The following KCNIP4 variants were observed in gnomAD, a reference collection of about 807,000 sequenced individuals.
The protein encoded by KCNIP4 is Kv channel-interacting protein 4.
A neutral mutation model predicts 34.0 loss-of-function variants in KCNIP4; 12 were observed. That is an observed-to-expected ratio of 0.35 (90% CI 0.23 to 0.57). KCNIP4 has a LOEUF of 0.57. Ranked by LOEUF, KCNIP4 falls within the 20% of genes least tolerant of loss-of-function variation. KCNIP4 has a pLI of 0.83. For synonymous variants in KCNIP4, 124 were observed against 102.2 expected (o/e 1.21, Z -1.29); for missense variants, 238 against 311.7 (o/e 0.76, Z 1.78).
chr4:20,925,401 C>G (rs1729803420), intron 1 of KCNIP4, among the ~76,000 whole-genome samples: 1 of 152,122 alleles, frequency 6.6e-6, no homozygotes, highest in African/African-American at 2.4e-5. Flanking sequence ...AGTAAAGAAG[C>G]CAGCTAAAAC....
intron 1 of KCNIP4, among the ~76,000 whole-genome samples, chr4:21,105,457 A>AC (rs1397568588): frequency 6.6e-6 from 1 of 151,624 alleles, no homozygotes; most frequent in Non-Finnish European, 1.5e-5. Flanking sequence ...GTATCCTGAG[A>AC]TTTGCTGAAG....
At chr4:21,765,902 A>G (rs1718387209) in intron 1 of KCNIP4, among the ~76,000 whole-genome samples, 1 of 151,596 alleles carries the variant, frequency 6.6e-6, no homozygotes, top group Admixed American at 6.6e-5. Flanking sequence ...CCCAGAGCCC[A>G]AGAGCAAAGA....
intron 1 of KCNIP4, among the ~76,000 whole-genome samples, chr4:21,778,959 T>C (rs566207983): frequency 2.0e-5 from 3 of 152,014 alleles, no homozygotes; most frequent in Non-Finnish European, 4.4e-5. Flanking sequence ...AGAGTTACTG[T>C]GAGCTTTTAA....
intron 1 of KCNIP4, among the ~76,000 whole-genome samples, chr4:21,514,181 C>A (rs972041544): frequency 1.3e-5 from 2 of 152,274 alleles, no homozygotes; most frequent in East Asian, 3.9e-4. Context: ...GGAGACAATG[C>A]GGTTTCCCTG....
chr4:21,247,882 AC>A (rs1760395154), intron 1 of KCNIP4, among the ~76,000 whole-genome samples: 1 of 137,172 alleles, frequency 7.3e-6, no homozygotes, highest in African/African-American at 2.8e-5. Flanking sequence ...ACACACACAC[AC>A]CACAGGTAGA....
At chr4:21,101,570 G>T (rs1226788440) in intron 1 of KCNIP4, among the ~76,000 whole-genome samples, 1 of 152,120 alleles carries the variant, frequency 6.6e-6, no homozygotes, top group East Asian at 1.9e-4. Context: ...GAGACAGAAA[G>T]CAGATGAGTG....
At chr4:20,917,788 A>G (rs987030847) in intron 1 of KCNIP4, among the ~76,000 whole-genome samples, 27 of 152,102 alleles carry the variant, frequency 1.8e-4, no homozygotes, top group African/African-American at 6.5e-4. Flanking sequence ...CAGGAGGCAG[A>G]GATAAAGTGT....
intron 1 of KCNIP4, among the ~76,000 whole-genome samples, chr4:21,288,496 G>A (rs932952666): frequency 6.6e-6 from 1 of 152,294 alleles, no homozygotes; most frequent in South Asian, 2.1e-4. Flanking sequence ...AAGAACAAAT[G>A]CTTACATAGT....
In KCNIP4 at chr4:21,492,951, C is replaced by T. The variant is rs1460493; in HGVS notation, c.61+455620G>A. On this transcript the variant is annotated intron_variant, in intron 1 of 8. Coordinates refer to ENST00000382152, the MANE Select transcript of KCNIP4 (RefSeq NM_025221.6). ...CACTCTTTACTCTTCTCTCCTTTTG[C>T]TTCTTTATCCCACTTGCTCTGCTGC... Among the ~76,000 whole-genome samples the T allele has an allele frequency of 6.4e-3, 982 of 152,306 alleles. 14 individuals carry two copies. Among genetic ancestry groups the T allele is most frequent in the African/African-American group, 0.022 (927 of 41,564 alleles).
At chr4:20,948,588 C>T (rs1732442720) in intron 1 of KCNIP4, among the ~76,000 whole-genome samples, 2 of 152,232 alleles carry the variant, frequency 1.3e-5, no homozygotes, top group Admixed American at 1.3e-4. Flanking sequence ...AGGCTTTCTG[C>T]CTGGTGCAGC....
intron 1 of KCNIP4, among the ~76,000 whole-genome samples, chr4:21,209,045 A>G (rs1306662574): frequency 6.6e-6 from 1 of 152,152 alleles, no homozygotes; most frequent in African/African-American, 2.4e-5. Flanking sequence ...GATTATAAGG[A>G]TTATGGAGAT....
At chr4:21,868,585 T>C (rs1380916403) in intron 1 of KCNIP4, among the ~76,000 whole-genome samples, 1 of 152,192 alleles carries the variant, frequency 6.6e-6, no homozygotes, top group Non-Finnish European at 1.5e-5. Flanking sequence ...ACTAAGGTAC[T>C]TGAAAGAGTG....
chr4:20,868,039 A>T (rs1723049949), intron 2 of KCNIP4, among the ~76,000 whole-genome samples: 1 of 152,044 alleles, frequency 6.6e-6, no homozygotes, highest in Non-Finnish European at 1.5e-5. Context: ...AAAAGAAGCT[A>T]TCAACAAAGC....
intron 1 of KCNIP4, among the ~76,000 whole-genome samples, chr4:21,089,524 G>A (rs78449721): frequency 0.024 from 3,729 of 152,212 alleles, 137 homozygotes; most frequent in African/African-American, 0.083. Context: ...CAATGGTAAC[G>A]TGTCATTATT....
At chr4:21,617,853 G>A (rs1177408764) in intron 1 of KCNIP4, among the ~76,000 whole-genome samples, 2 of 152,134 alleles carry the variant, frequency 1.3e-5, no homozygotes, top group Non-Finnish European at 2.9e-5. Flanking sequence ...TTTAAACTCT[G>A]TCTTTGAAAT....
intron 1 of KCNIP4, among the ~76,000 whole-genome samples, chr4:20,921,080 G>T (rs1254796219): frequency 6.6e-6 from 1 of 152,164 alleles, no homozygotes; most frequent in Non-Finnish European, 1.5e-5. Flanking sequence ...GAATACTAGA[G>T]AAGGGGTTGT....
intron 1 of KCNIP4, among the ~76,000 whole-genome samples, chr4:21,070,400 A>T (rs1275075869): frequency 6.7e-5 from 6 of 89,188 alleles, no homozygotes; most frequent in African/African-American, 1.2e-4. Context: ...TTTTTTTTTT[A>T]AAGTGTCCAA....
chr4:20,964,069 T>A (rs1734112450), intron 1 of KCNIP4, among the ~76,000 whole-genome samples: 1 of 152,168 alleles, frequency 6.6e-6, no homozygotes, highest in Non-Finnish European at 1.5e-5. Flanking sequence ...ACAAAAGAAT[T>A]GCCATTTATG....
chr4:20,931,041 T>C lies in KCNIP4; in HGVS notation c.62-48332A>G, dbSNP rs575101073. 4.6e-5 allele frequency among the ~76,000 whole-genome samples: 7 copies of C among 152,074 alleles called. No homozygotes were observed. The South Asian group carries it at 1.5e-3, about 32-fold the overall frequency. Reference sequence around the variant, plus strand: ...CCCAGCAATTCCTCTTTTGAGTAGGTAACCAAAGATGATAAAAATCATCAC... The same window carrying C: ...CCCAGCAATTCCTCTTTTGAGTAGGCAACCAAAGATGATAAAAATCATCAC... On this transcript the variant is annotated intron_variant, in intron 1 of 8. Coordinates refer to ENST00000382152, the MANE Select transcript of KCNIP4 (RefSeq NM_025221.6).
Sources: gnomAD v4.1 joint callset for allele counts (sites outside exome capture counted in the v4.1 genomes callset) on GRCh38, gnomAD v4.1.1 for gene constraint, MANE v1.5 for transcripts, NCBI Gene and HGNC (gene_info 2026-07-23, HGNC 2026-07-21) for gene names.